BNIP1: variants seen among roughly 807,000 people sequenced by gnomAD.
BNIP1 encodes vesicle transport protein SEC20.
In BNIP1, 25 loss-of-function variants were observed where a neutral mutation model predicts 28.5. The observed-to-expected ratio is 0.88, with a 90% CI of 0.64 to 1.23. The LOEUF (loss-of-function observed/expected upper bound fraction) is 1.23. Among genes scored for constraint, BNIP1 ranks in the 50% most tolerant of loss-of-function variants. BNIP1 has a pLI of 0.00. For synonymous variants in BNIP1, 118 were observed against 101.7 expected (o/e 1.16, Z -0.96); for missense variants, 276 against 277.0 (o/e 1.00, Z 0.02).
chr5:173,146,462 C>G (rs999022370), intron 1 of BNIP1, among the ~76,000 whole-genome samples: 1 of 152,132 alleles, frequency 6.6e-6, no homozygotes, highest in Non-Finnish European at 1.5e-5. Flanking sequence ...CATATGATGC[C>G]AGATATTTAA....
intron 3 of BNIP1, among the ~76,000 whole-genome samples, chr5:173,156,944 C>T (rs1403976082): frequency 2.0e-5 from 3 of 150,896 alleles, no homozygotes. Context: ...GCACCGTGCC[C>T]AGCCGACCCT....
In BNIP1 at chr5:173,158,728, A is replaced by T; in HGVS notation, c.270-16A>T. Reference sequence around the variant, plus strand: ...GGTGGAGTGGACACACTCACACGTGAACCTTCCAATTCCAGCAATCAGGCC... The same window carrying T: ...GGTGGAGTGGACACACTCACACGTGTACCTTCCAATTCCAGCAATCAGGCC... On this transcript the variant is annotated splice_polypyrimidine_tract_variant and intron_variant, in intron 3 of 5. Coordinates refer to ENST00000351486, the MANE Select transcript of BNIP1 (RefSeq NM_001205.3). 6.2e-7 allele frequency: 1 copy of T among 1,605,834 alleles called. No individual in the cohort carries two copies. The highest frequency in any genetic ancestry group is 8.5e-7 in the Non-Finnish European group (1 of 1,173,486).
intron 5 of BNIP1, among the ~76,000 whole-genome samples, chr5:173,162,854 G>A (rs1394337777): frequency 6.6e-6 from 1 of 152,112 alleles, no homozygotes; most frequent in African/African-American, 2.4e-5. Context: ...ACTTCCCAGA[G>A]GCAACCTCTG....
At chr5:173,152,034 C>A (rs1000115264) in intron 2 of BNIP1, among the ~76,000 whole-genome samples, 7 of 152,186 alleles carry the variant, frequency 4.6e-5, no homozygotes, top group Non-Finnish European at 1.0e-4. Flanking sequence ...GGGTGTTCTG[C>A]ACATGGTGAA....
At chr5:173,144,897 G>T in intron 1 of BNIP1, 1 of 411,416 alleles carries the variant, frequency 2.4e-6, no homozygotes, top group South Asian at 3.4e-5. Flanking sequence ...TTCGGGGCTC[G>T]GCTTTGCCCC....
intron 1 of BNIP1, among the ~76,000 whole-genome samples, chr5:173,146,506 G>C (rs1192883679): frequency 6.6e-6 from 1 of 152,156 alleles, no homozygotes; most frequent in Non-Finnish European, 1.5e-5. Context: ...AGGATCTAAG[G>C]TTCTAAAGTG....
intron 2 of BNIP1, among the ~76,000 whole-genome samples, chr5:173,148,071 AAAAAAAAAAAAAATATATATATATATAT>A (rs1759893263): frequency 2.3e-5 from 1 of 43,810 alleles, no homozygotes; most frequent in Admixed American, 3.3e-4. Context: ...TCAAAAAAAA[AAAAAAAAAAAAAATATATATATATATAT>A]ATATATATAT....
At chr5:173,148,078 AAAAAAATATAT>A (rs1759897256) in intron 2 of BNIP1, among the ~76,000 whole-genome samples, 1 of 46,822 alleles carries the variant, frequency 2.1e-5, no homozygotes, top group Non-Finnish European at 3.8e-5. Flanking sequence ...AAAAAAAAAA[AAAAAAATATAT>A]ATATATATAT....
chr5:173,155,613 G>A (rs1581076506), intron 3 of BNIP1, among the ~76,000 whole-genome samples: 3 of 152,014 alleles, frequency 2.0e-5, no homozygotes, highest in African/African-American at 4.8e-5. Context: ...CAGGAGAATC[G>A]CTTGAGCCCG....
At chr5:173,154,564 C>T (rs1254278035) in intron 3 of BNIP1, 151 bp downstream of exon 3, 1 of 625,340 alleles carries the variant, frequency 1.6e-6, no homozygotes, top group African/African-American at 1.9e-5. Context: ...GCTCTATTGC[C>T]CAGGCTGGAG....
At position 173,163,751 on chromosome 5, in the gene BNIP1, G is replaced by A. The variant is rs749076952; in HGVS notation, c.517G>A (p.Ala173Thr). 1.9e-6 allele frequency: 3 copies of A among 1,609,540 alleles called. No homozygotes were observed. The highest frequency in any genetic ancestry group is 2.5e-6 in the Non-Finnish European group (3 of 1,177,710). The change falls in exon 6 of 6, where the codon GCA (alanine) becomes ACA (threonine). Residue 173 changes from alanine to threonine, a missense_variant. Transcript: ENST00000351486. Reference protein sequence around the residue: ...LVTSSRTILDANEEFKSMSGT... With the variant: ...LVTSSRTILDTNEEFKSMSGT... ...CACTTCTTCACGAACGATCCTGGAT[G>A]CAAATGAAGAATTTAAGTCCATGTC...
chr5:173,151,171 A>T (rs1760008022), intron 2 of BNIP1, among the ~76,000 whole-genome samples: 1 of 151,676 alleles, frequency 6.6e-6, no homozygotes, highest in South Asian at 2.1e-4. Context: ...TATTATACGT[A>T]TATTGGAAAT....
intron 5 of BNIP1, among the ~76,000 whole-genome samples, chr5:173,162,653 G>A (rs1760396652): frequency 6.6e-6 from 1 of 151,914 alleles, no homozygotes; most frequent in African/African-American, 2.4e-5. Flanking sequence ...AAGAAACATT[G>A]TGTGGGTTTG....
chr5:173,157,799 C>T (rs1393107043), intron 3 of BNIP1, among the ~76,000 whole-genome samples: 1 of 152,092 alleles, frequency 6.6e-6, no homozygotes, highest in Middle Eastern at 3.2e-3. Context: ...ACTGTAGATC[C>T]GCCGTGTCAG....
At chr5:173,156,673 A>G (rs1486991263) in intron 3 of BNIP1, among the ~76,000 whole-genome samples, 1 of 146,342 alleles carries the variant, frequency 6.8e-6, no homozygotes, top group Non-Finnish European at 1.5e-5. Flanking sequence ...TTTGAGACAG[A>G]GTCTCACTCT....
At chr5:173,153,229 C>A (rs532660824) in intron 2 of BNIP1, among the ~76,000 whole-genome samples, 22 of 151,502 alleles carry the variant, frequency 1.5e-4, no homozygotes, top group Middle Eastern at 3.4e-3. Flanking sequence ...ACAAGTCTGA[C>A]AACATTTTTT....
chr5:173,155,971 G>A (rs1467004451), intron 3 of BNIP1, among the ~76,000 whole-genome samples: 2 of 152,150 alleles, frequency 1.3e-5, no homozygotes, highest in African/African-American at 4.8e-5. Context: ...TGCCAGATCT[G>A]TATTTGTGGC....
intron 1 of BNIP1, chr5:173,144,838 C>T: frequency 3.6e-6 from 2 of 560,902 alleles, no homozygotes; most frequent in Non-Finnish European, 6.3e-6. Flanking sequence ...CGCCGGATCT[C>T]CCATCCCCAG....
intron 5 of BNIP1, chr5:173,161,675 A>G (rs1453015073): frequency 6.6e-6 from 1 of 152,216 alleles, no homozygotes; most frequent in African/African-American, 2.4e-5. Context: ...CCATAATTTT[A>G]AAACAAAAAG....
Sources: allele counts gnomAD v4.1 joint callset (sites outside exome capture counted in the v4.1 genomes callset), GRCh38; gene constraint gnomAD v4.1.1; transcripts MANE v1.5; gene names NCBI Gene and HGNC (gene_info 2026-07-23, HGNC 2026-07-21).